CUEDC1: variants seen among roughly 807,000 people sequenced by gnomAD.
CUEDC1 encodes CUE domain containing 1.
Under a neutral mutation model 43.7 loss-of-function variants are expected in CUEDC1, and 30 were observed. The ratio of observed to expected loss-of-function variants is 0.69; its 90% CI spans 0.51 to 0.93. The LOEUF (loss-of-function observed/expected upper bound fraction) is 0.93, where lower values mean the gene tolerates loss of function less well. Among genes scored for constraint, CUEDC1 ranks in the 40% least tolerant of loss-of-function variants. The pLI is 0.00. For missense variants in CUEDC1, 486 were observed against 549.0 expected (o/e 0.89, Z 1.15); for synonymous variants, 223 against 223.6 (o/e 1.00, Z 0.02).
chr17:57,904,177 C>A (rs1215391765), intron 1 of CUEDC1, among the ~76,000 whole-genome samples: 1 of 152,098 alleles, frequency 6.6e-6, no homozygotes, highest in African/African-American at 2.4e-5. Flanking sequence ...CCTTCCTGCA[C>A]CCCCTTGCCA....
chr17:57,902,256 G>A (rs1307694037), intron 1 of CUEDC1, among the ~76,000 whole-genome samples: 1 of 151,386 alleles, frequency 6.6e-6, no homozygotes, highest in Non-Finnish European at 1.5e-5. Flanking sequence ...TTGAACCTGG[G>A]AGGCGGAGGT....
intron 1 of CUEDC1, among the ~76,000 whole-genome samples, chr17:57,920,328 C>T (rs1415670109): frequency 1.3e-5 from 2 of 152,174 alleles, no homozygotes; most frequent in African/African-American, 4.8e-5. Flanking sequence ...GTTTGAGAAT[C>T]ACTGCTTTAA....
At position 57,885,708 on chromosome 17, in the gene CUEDC1, A is replaced by C. The variant is rs940954815; in HGVS notation, c.-144T>G. On this transcript the variant is annotated 5_prime_UTR_variant, in exon 2 of 11. Coordinates refer to ENST00000577830, the MANE Select transcript of CUEDC1 (RefSeq NM_001271875.2). The stretch of plus-strand genomic sequence containing the variant: ...CTCCTCCCCGGGTAGCCAGGCAGCA[A>C]TGGGCTGCCAAGAGCTCCGGGTTAG... 1.6e-6 allele frequency: 2 copies of C among 1,268,164 alleles called. No homozygotes were observed. Among genetic ancestry groups the C allele is most frequent in the Non-Finnish European group, 2.0e-6 (2 of 999,618 alleles). 78.6% of individuals were successfully genotyped at this position (1,268,164 alleles called of 1,614,324 possible). A position where few individuals can be genotyped will look rare whatever the true frequency, so the allele number is the denominator to read the frequency against.
At position 57,869,123 on chromosome 17, in the gene CUEDC1, C is replaced by T. The variant is rs767974079; in HGVS notation, c.939G>A (p.Lys313=). Residue 313 remains lysine (K), a splice_region_variant and synonymous_variant, in exon 7 of 11, where the codon AAG becomes AAA. Transcript: ENST00000577830. Reference sequence around the variant, plus strand: ...AAGCGGGGCCTGAGTGGGACTCACACTTTCCCATGTGTTTCAGCTTGTCCC... The same window carrying T: ...AAGCGGGGCCTGAGTGGGACTCACATTTTCCCATGTGTTTCAGCTTGTCCC... ...LFRDKLKHMG[K]STRRKLFELA... 1.9e-6 allele frequency: 3 copies of T among 1,613,850 alleles called. No homozygotes were observed. The African/African-American group carries it at 4.0e-5, about 22-fold the overall frequency.
At chr17:57,923,456 G>C (rs1371452082) in intron 1 of CUEDC1, among the ~76,000 whole-genome samples, 1 of 152,220 alleles carries the variant, frequency 6.6e-6, no homozygotes, top group African/African-American at 2.4e-5. Flanking sequence ...GCCACACCCT[G>C]CTTTCACGTA....
intron 1 of CUEDC1, among the ~76,000 whole-genome samples, chr17:57,944,693 G>A (rs1020844213): frequency 3.2e-4 from 48 of 152,186 alleles, no homozygotes; most frequent in African/African-American, 1.1e-3. Flanking sequence ...ACACATGGCA[G>A]AGCTAAGACT....
chr17:57,867,494 C>G, intron 8 of CUEDC1, 79 bp from the exon 9 acceptor site: 1 of 1,310,302 alleles, frequency 7.6e-7, no homozygotes, highest in Non-Finnish European at 1.1e-6. Context: ...GACTCTCTGC[C>G]CCACCCCTCA....
At chr17:57,899,396 G>T (rs904250109) in intron 1 of CUEDC1, among the ~76,000 whole-genome samples, 1 of 152,176 alleles carries the variant, frequency 6.6e-6, no homozygotes, top group Non-Finnish European at 1.5e-5. Context: ...ACATACCCAC[G>T]TGCCCACACG....
At chr17:57,871,683 G>C (rs2074036626) in intron 5 of CUEDC1, among the ~76,000 whole-genome samples, 1 of 152,232 alleles carries the variant, frequency 6.6e-6, no homozygotes, top group Non-Finnish European at 1.5e-5. Flanking sequence ...CAGCACACTG[G>C]AAGGCTAAGG....
rs761944667 is a variant in CUEDC1, at chr17:57,885,242, C to T, written c.323G>A (p.Ser108Asn). Reference sequence around the variant, plus strand: ...CTGCGCCCCTACCTCCGGGGGGATGCTGTCCTCCGAGTCGGAGCTGTCCTC... The same window carrying T: ...CTGCGCCCCTACCTCCGGGGGGATGTTGTCCTCCGAGTCGGAGCTGTCCTC... Reference protein sequence around the residue: ...VYEDSSDSEDSIPPEILERTL... With the variant: ...VYEDSSDSEDNIPPEILERTL... Residue 108 changes from serine to asparagine, a missense_variant, in exon 2 of 11, where the codon AGC (serine) becomes AAC (asparagine). Coordinates refer to ENST00000577830, the MANE Select transcript of CUEDC1 (RefSeq NM_001271875.2). 14 of 1,581,582 alleles carry T rather than the reference C, an allele frequency of 8.9e-6. 1 individual carries two copies. Among genetic ancestry groups the T allele is most frequent in the African/African-American group, 8.1e-5 (6 of 73,912 alleles).
intron 3 of CUEDC1, among the ~76,000 whole-genome samples, chr17:57,876,260 C>T (rs2074124659): frequency 1.3e-5 from 2 of 152,100 alleles, no homozygotes; most frequent in Admixed American, 6.5e-5. Context: ...CTTGCCTTTC[C>T]AGCCTCACCC....
At chr17:57,886,816 TG>T (rs758333985) in intron 1 of CUEDC1, among the ~76,000 whole-genome samples, 13 of 141,072 alleles carry the variant, frequency 9.2e-5, no homozygotes, top group East Asian at 3.9e-4. Context: ...AAATTCTGGT[TG>T]TTTTTTTTTT....
intron 1 of CUEDC1, among the ~76,000 whole-genome samples, chr17:57,936,933 G>C (rs1598021593): frequency 1.3e-5 from 2 of 151,754 alleles, no homozygotes; most frequent in South Asian, 4.2e-4. Flanking sequence ...CGATTCTCCT[G>C]CCTCAGCCTC....
intron 6 of CUEDC1, 110 bp downstream of exon 6, chr17:57,871,176 C>T (rs949303915): frequency 6.3e-5 from 56 of 882,544 alleles, no homozygotes; most frequent in Non-Finnish European, 1.0e-4. Context: ...CAGGCCCCCT[C>T]CCACAATCTG....
intron 1 of CUEDC1, among the ~76,000 whole-genome samples, chr17:57,933,126 C>T (rs569374371): frequency 6.6e-6 from 1 of 152,248 alleles, no homozygotes; most frequent in East Asian, 1.9e-4. Flanking sequence ...AATAGAAACA[C>T]CTGGGCAATG....
At chr17:57,897,724 C>A (rs1420575992) in intron 1 of CUEDC1, among the ~76,000 whole-genome samples, 1 of 149,306 alleles carries the variant, frequency 6.7e-6, no homozygotes, top group African/African-American at 2.5e-5. Flanking sequence ...TTTACAAAAC[C>A]TGAATTATGG....
In CUEDC1 at chr17:57,861,982, C is replaced by A. The variant is rs1274433163; in HGVS notation, c.*1307G>T. Reference sequence around the variant, plus strand: ...CCAAGCTCGGCGTTGCGAGTCCGGGCAGGGTGGGCGGGACGAGGTGCGATC... The same window carrying A: ...CCAAGCTCGGCGTTGCGAGTCCGGGAAGGGTGGGCGGGACGAGGTGCGATC... On this transcript the variant is annotated 3_prime_UTR_variant, in exon 11 of 11. Transcript: ENST00000577830. The A allele has an allele frequency of 6.6e-6, 1 of 152,172 alleles. No homozygotes were observed. The highest frequency in any genetic ancestry group is 2.1e-4 in the South Asian group (1 of 4,836). The allele number at this position is 152,172 out of a possible 1,614,324, so 9.4% of individuals were successfully genotyped here.
intron 1 of CUEDC1, among the ~76,000 whole-genome samples, chr17:57,893,379 G>C (rs997509078): frequency 6.6e-6 from 1 of 151,192 alleles, no homozygotes; most frequent in African/African-American, 2.4e-5. Flanking sequence ...GTGTGTTTCA[G>C]GCAGCCCTGA....
chr17:57,886,792 A>G (rs1048520140), intron 1 of CUEDC1, among the ~76,000 whole-genome samples: 5 of 150,336 alleles, frequency 3.3e-5, no homozygotes, highest in African/African-American at 1.2e-4. Flanking sequence ...GTCTTGAGAA[A>G]CCATATACAT....
Sources: allele counts gnomAD v4.1 joint callset (sites outside exome capture counted in the v4.1 genomes callset), GRCh38; gene constraint gnomAD v4.1.1; transcripts MANE v1.5; gene names NCBI Gene and HGNC (gene_info 2026-07-23, HGNC 2026-07-21).